CRHR2: variants seen among roughly 807,000 people sequenced by gnomAD.
The protein encoded by CRHR2 is corticotropin-releasing hormone receptor 2.
CRHR2 carries 53 observed loss-of-function variants against 57.9 expected under a neutral mutation model. The ratio of observed to expected loss-of-function variants is 0.92; its 90% CI spans 0.73 to 1.15. CRHR2 has a LOEUF of 1.15. CRHR2 is among the 50% of genes most tolerant of loss of function. The pLI is 0.00. For missense variants in CRHR2, 532 were observed against 542.6 expected (o/e 0.98, Z 0.19); for synonymous variants, 213 against 220.9 (o/e 0.96, Z 0.32).
chr7:30,669,293 C>T (rs988436622), intron 2 of CRHR2, among the ~76,000 whole-genome samples: 2 of 152,174 alleles, frequency 1.3e-5, no homozygotes, highest in Non-Finnish European at 2.9e-5. Context: ...TGAGCACCTC[C>T]AGTCCTGACC....
intron 2 of CRHR2, among the ~76,000 whole-genome samples, chr7:30,669,484 G>T (rs1319926078): frequency 6.6e-6 from 1 of 152,144 alleles, no homozygotes; most frequent in Non-Finnish European, 1.5e-5. Context: ...GTGGGAGGGG[G>T]TCAGGATAGA....
At chr7:30,676,902 C>T (rs1027395235) in intron 2 of CRHR2, among the ~76,000 whole-genome samples, 1 of 152,248 alleles carries the variant, frequency 6.6e-6, no homozygotes, top group Non-Finnish European at 1.5e-5. Flanking sequence ...GCCCCTTCTT[C>T]CCCTGTCCTG....
chr7:30,693,634 G>A (rs748811016), intron 1 of CRHR2, among the ~76,000 whole-genome samples: 5 of 152,222 alleles, frequency 3.3e-5, no homozygotes, highest in Admixed American at 6.5e-5. Flanking sequence ...AGGGTCATGG[G>A]AACTCTTGAT....
Position 30,682,455 on chromosome 7 carries a change from G to C in CRHR2, c.-175C>G. The C allele has an allele frequency of 7.5e-7, 1 of 1,340,858 alleles. No individual in the cohort carries two copies. Among genetic ancestry groups the C allele is most frequent in the Non-Finnish European group, 9.5e-7 (1 of 1,052,540 alleles). 83.1% of individuals were successfully genotyped at this position (1,340,858 alleles called of 1,614,324 possible). A position where few individuals can be genotyped will look rare whatever the true frequency, so the allele number is the denominator to read the frequency against. Reference sequence around the variant, plus strand: ...ACCTCCGGTCGCCCAGAGCTGTCAAGTGGGGACCTTCCCGGAGAGGAGCCG... The same window carrying C: ...ACCTCCGGTCGCCCAGAGCTGTCAACTGGGGACCTTCCCGGAGAGGAGCCG... On this transcript the variant is annotated 5_prime_UTR_variant, in exon 1 of 12. Coordinates refer to ENST00000471646, the MANE Select transcript of CRHR2 (RefSeq NM_001883.5).
intron 2 of CRHR2, among the ~76,000 whole-genome samples, chr7:30,680,510 G>A (rs1784665564): frequency 1.3e-5 from 2 of 152,144 alleles, no homozygotes; most frequent in African/African-American, 4.8e-5. Context: ...TCTGAATCAG[G>A]CATGCTGATC....
chr7:30,674,245 CTG>C (rs1269402570), intron 2 of CRHR2, among the ~76,000 whole-genome samples: 1 of 152,216 alleles, frequency 6.6e-6, no homozygotes, highest in African/African-American at 2.4e-5. Flanking sequence ...ACCCAGCTCA[CTG>C]TGTAAGCTCT....
At chr7:30,681,037 C>T (rs992415687) in intron 2 of CRHR2, among the ~76,000 whole-genome samples, 7 of 151,996 alleles carry the variant, frequency 4.6e-5, no homozygotes, top group African/African-American at 1.7e-4. Flanking sequence ...CACAGCCTCC[C>T]GCAGACCACA....
At chr7:30,695,103 G>A (rs1315610401) in intron 1 of CRHR2, among the ~76,000 whole-genome samples, 1 of 145,944 alleles carries the variant, frequency 6.9e-6, no homozygotes, top group African/African-American at 2.6e-5. Context: ...GGGGGAGGAC[G>A]AGGCAGTCAG....
intron 1 of CRHR2, among the ~76,000 whole-genome samples, chr7:30,691,845 T>C (rs1784966979): frequency 6.6e-6 from 1 of 152,184 alleles, no homozygotes; most frequent in African/African-American, 2.4e-5. Context: ...GAGCCCCTAG[T>C]GGTGGTGGTG....
At chr7:30,666,398 T>C (rs957721441) in intron 3 of CRHR2, among the ~76,000 whole-genome samples, 28 of 152,192 alleles carry the variant, frequency 1.8e-4, no homozygotes, top group Admixed American at 1.8e-3. Flanking sequence ...ACAAAGTTAG[T>C]GATGAAATAC....
chr7:30,683,531 CGGGAAGCAGGGCCTGGGGTAA>C (rs945167167), upstream of CRHR2, among the ~76,000 whole-genome samples: 1 of 152,014 alleles, frequency 6.6e-6, no homozygotes, highest in Admixed American at 6.5e-5. Flanking sequence ...GCATTGGGCT[CGGGAAGCAGGGCCTGGGGTAA>C]GGCATGCTTC....
chr7:30,690,424 G>A lies in CRHR2; in HGVS notation c.-260-1140C>T, dbSNP rs1033287950. ...CCTTTTCTTGCTCTATGGTCAGCGT[G>A]TGTGTGTGTGAGTACATGCACACAC... On this transcript the variant is annotated intron_variant, in intron 1 of 13. Coordinates refer to the CRHR2 transcript ENST00000341843. Among the ~76,000 whole-genome samples, 10 of 3,762 alleles carry A rather than the reference G, an allele frequency of 2.7e-3. No homozygotes were observed. The African/African-American group carries it at 0.037, about 14-fold the overall frequency. 2.5% of individuals were successfully genotyped at this position (3,762 alleles called of 152,430 possible). A position where few individuals can be genotyped will look rare whatever the true frequency, so the allele number is the denominator to read the frequency against.
chr7:30,655,565 G>T lies in CRHR2; in HGVS notation c.1053+15C>A, dbSNP rs763830566. ...AAAGCTCACTGTGGGGCCCCCATCT[G>T]GTCACAGGCCCCACCTGGAACGACT... On this transcript the variant is annotated intron_variant, in intron 10 of 11. Transcript: ENST00000471646. The T allele has an allele frequency of 1.9e-6, 3 of 1,605,976 alleles. No homozygotes were observed. Among genetic ancestry groups the T allele is most frequent in the Non-Finnish European group, 1.7e-6 (2 of 1,175,462 alleles).
In CRHR2 at chr7:30,665,680, C is replaced by T. The variant is rs1784164618; in HGVS notation, c.316-41G>A. 1 of 1,511,986 alleles carries T rather than the reference C, an allele frequency of 6.6e-7. No individual in the cohort carries two copies. The allele number at this position is 1,511,986 out of a possible 1,614,324, so 93.7% of individuals were successfully genotyped here. ...TGGGCAGGGCAGATGGAGGCATGGG[C>T]ACGTGGGGGTGGGGCTGGGTATTCC... On this transcript the variant is annotated intron_variant, in intron 3 of 11. Coordinates refer to ENST00000471646, the MANE Select transcript of CRHR2 (RefSeq NM_001883.5). This position sits in a 1 kb window ranked among gnomAD's most constrained non-coding sequence, Gnocchi z 4.5.
Position 30,671,802 on chromosome 7 carries a change from G to GTGATGA in CRHR2, c.230-4495_230-4490dup, listed in dbSNP as rs10577644. On this transcript the variant is annotated intron_variant, in intron 2 of 11. Transcript: ENST00000471646. ...AGCCTGGGTGACAGAGTGAGACCCTGTGATGATGATGATGATGATGATGAT... is the reference window on the plus strand; with the variant it reads ...AGCCTGGGTGACAGAGTGAGACCCTGTGATGATGATGATGATGATGATGATGATGAT... Among the ~76,000 whole-genome samples, 1,306 of 143,952 alleles carry GTGATGA rather than the reference G, an allele frequency of 9.1e-3. 11 individuals carry two copies. Among genetic ancestry groups the GTGATGA allele is most frequent in the East Asian group, 0.041 (197 of 4,800 alleles). 94.4% of individuals were successfully genotyped at this position (143,952 alleles called of 152,430 possible).
At chr7:30,670,128 C>T (rs1033889914) in intron 2 of CRHR2, among the ~76,000 whole-genome samples, 1 of 151,038 alleles carries the variant, frequency 6.6e-6, no homozygotes, top group African/African-American at 2.4e-5. Flanking sequence ...TAATCCAGTA[C>T]ACACACACAC....
At chr7:30,654,022 C>G (rs746078533) in intron 11 of CRHR2, among the ~76,000 whole-genome samples, 41 of 152,134 alleles carry the variant, frequency 2.7e-4, no homozygotes, top group Non-Finnish European at 5.3e-4. Flanking sequence ...GCCTCCTCCT[C>G]CCTCCTGAAG....
rs1287799393 is a variant in CRHR2 at position 30,682,160 on chromosome 7, C to T, written c.103+18G>A. ...AGAAGGAGCCCGCGCAGCCTCCGAC[C>T]GCTCGCCTCCCGCCTACCCTCGGGG... On this transcript the variant is annotated intron_variant, in intron 1 of 11. Coordinates refer to ENST00000471646, the MANE Select transcript of CRHR2 (RefSeq NM_001883.5). 7.7e-6 allele frequency: 12 copies of T among 1,548,758 alleles called. No individual in the cohort carries two copies. The East Asian group carries it at 2.2e-4, about 28-fold the overall frequency.
intron 1 of CRHR2, among the ~76,000 whole-genome samples, chr7:30,694,539 TA>T (rs1303076009): frequency 1.3e-5 from 2 of 152,128 alleles, no homozygotes; most frequent in Non-Finnish European, 2.9e-5. Flanking sequence ...TAGCCCATGG[TA>T]TAAGCTGGGG....
Sources: gnomAD v4.1 joint callset for allele counts (sites outside exome capture counted in the v4.1 genomes callset) on GRCh38, gnomAD v4.1.1 for gene constraint, Gnocchi (gnomAD v3.1) non-coding constraint, MANE v1.5 for transcripts, NCBI Gene and HGNC (gene_info 2026-07-23, HGNC 2026-07-21) for gene names.